The following PCDH9 variants were observed in gnomAD, a reference collection of about 807,000 sequenced individuals.
PCDH9 encodes protocadherin 9, also known as protocadherin-9.
A neutral mutation model predicts 70.6 loss-of-function variants in PCDH9; 24 were observed. The observed-to-expected ratio is 0.34, with a 90% confidence interval of 0.25 to 0.48. PCDH9 has a LOEUF of 0.48. Ranked by LOEUF, PCDH9 falls within the 20% of genes least tolerant of loss-of-function variation. The pLI is 0.99. For synonymous variants in PCDH9, 562 were observed against 558.5 expected (o/e 1.01, Z -0.09); for missense variants, 1,281 against 1,503.6 (o/e 0.85, Z 2.45).
chr13:66,538,252 C>A (rs1960789403), intron 4 of PCDH9, among the ~76,000 whole-genome samples: 1 of 152,226 alleles, frequency 6.6e-6, no homozygotes, highest in East Asian at 1.9e-4. Context: ...GCAATTAAGA[C>A]TGGGGAAACA....
chr13:66,595,076 T>G (rs566292415), intron 4 of PCDH9, among the ~76,000 whole-genome samples: 1 of 151,564 alleles, frequency 6.6e-6, no homozygotes, highest in African/African-American at 2.4e-5. Flanking sequence ...AACACACACA[T>G]TTTTTTGAAA....
intron 2 of PCDH9, among the ~76,000 whole-genome samples, chr13:67,009,672 T>C (rs564470329): frequency 9.9e-5 from 15 of 152,078 alleles, no homozygotes; most frequent in Non-Finnish European, 2.1e-4. Flanking sequence ...CCACCCATCG[T>C]TGACTCTCAA....
intron 3 of PCDH9, among the ~76,000 whole-genome samples, chr13:66,666,546 A>G (rs9592481): frequency 0.41 from 61,807 of 151,962 alleles, 13,277 homozygotes; most frequent in East Asian, 0.57. Context: ...GAAGTAAGTT[A>G]AAAGGTAGGT....
chr13:67,177,437 T>C (rs188144181), intron 2 of PCDH9, among the ~76,000 whole-genome samples: 1 of 152,228 alleles, frequency 6.6e-6, no homozygotes, highest in East Asian at 1.9e-4. Flanking sequence ...CCCAAGAGGC[T>C]CTTTACCAAA....
At chr13:66,587,166 CAA>C (rs1269507787) in intron 4 of PCDH9, among the ~76,000 whole-genome samples, 1 of 151,542 alleles carries the variant, frequency 6.6e-6, no homozygotes, top group Non-Finnish European at 1.5e-5. Flanking sequence ...GGCATGGTGG[CAA>C]AAAACTCTAG....
intron 4 of PCDH9, among the ~76,000 whole-genome samples, chr13:66,601,444 C>A (rs1458757018): frequency 6.9e-6 from 1 of 145,480 alleles, no homozygotes. Context: ...TTAATGGAGA[C>A]AATAAAAATA....
chr13:67,085,654 T>C (rs952324), intron 2 of PCDH9, among the ~76,000 whole-genome samples: 32,629 of 152,128 alleles, frequency 0.21, 3,739 homozygotes, highest in Admixed American at 0.28. Flanking sequence ...TTGAATGTGC[T>C]TATTTGGTCA....
chr13:66,958,870 T>C (rs1357755066), intron 2 of PCDH9, among the ~76,000 whole-genome samples: 3 of 152,224 alleles, frequency 2.0e-5, no homozygotes, highest in African/African-American at 7.2e-5. Flanking sequence ...CTATGTTTTA[T>C]ACTTAGACGT....
intron 4 of PCDH9, among the ~76,000 whole-genome samples, chr13:66,457,370 T>C (rs1958337548): frequency 1.3e-5 from 2 of 152,092 alleles, no homozygotes; most frequent in Admixed American, 6.6e-5. Context: ...CACCAATTGA[T>C]GAACCAAATA....
chr13:67,075,437 A>G (rs1048369053), intron 2 of PCDH9, among the ~76,000 whole-genome samples: 2 of 152,154 alleles, frequency 1.3e-5, no homozygotes, highest in Admixed American at 6.6e-5. Context: ...GTGGGGTACA[A>G]GAATGGAGAA....
intron 2 of PCDH9, among the ~76,000 whole-genome samples, chr13:66,936,830 G>A (rs1012697776): frequency 3.9e-5 from 6 of 152,148 alleles, no homozygotes; most frequent in African/African-American, 1.4e-4. Context: ...GTAAAATGGG[G>A]ATAATATTTA....
intron 3 of PCDH9, among the ~76,000 whole-genome samples, chr13:66,838,638 A>G (rs1366812914): frequency 2.6e-5 from 4 of 151,970 alleles, no homozygotes; most frequent in Non-Finnish European, 5.9e-5. Flanking sequence ...GTACATAAAA[A>G]CCCATGTGAA....
intron 4 of PCDH9, among the ~76,000 whole-genome samples, chr13:66,548,019 A>G (rs1161326108): frequency 6.7e-6 from 1 of 149,716 alleles, no homozygotes. Context: ...ATTTGTATGT[A>G]TGTATGTATG....
In PCDH9 at chr13:66,360,192, G is replaced by A. The variant is rs114988545; in HGVS notation, c.3341-55164C>T. The stretch of plus-strand genomic sequence containing the variant: ...TGCATATGTCCTTGTTTGATGCCTC[G>A]GATATTAGTGTGATCATTGAAAAGA... On this transcript the variant is annotated intron_variant, in intron 4 of 4. Coordinates refer to ENST00000377865, the MANE Select transcript of PCDH9 (RefSeq NM_203487.3). Among the ~76,000 whole-genome samples, 506 of 152,038 alleles carry A rather than the reference G, an allele frequency of 3.3e-3. 3 individuals carry two copies. Among genetic ancestry groups the A allele is most frequent in the African/African-American group, 0.012 (485 of 41,490 alleles).
intron 4 of PCDH9, among the ~76,000 whole-genome samples, chr13:66,320,017 T>A (rs761377348): frequency 6.6e-6 from 1 of 152,050 alleles, no homozygotes; most frequent in Non-Finnish European, 1.5e-5. Flanking sequence ...AGATAATAAG[T>A]CAAAATAGAA....
At chr13:66,998,759 A>G (rs555754476) in intron 2 of PCDH9, among the ~76,000 whole-genome samples, 2 of 152,260 alleles carry the variant, frequency 1.3e-5, no homozygotes, top group South Asian at 4.1e-4. Flanking sequence ...TCAGTTTCTC[A>G]TCAATCTTCC....
chr13:66,719,451 C>A (rs996130398), intron 3 of PCDH9, among the ~76,000 whole-genome samples: 1 of 152,042 alleles, frequency 6.6e-6, no homozygotes, highest in African/African-American at 2.4e-5. Context: ...GCTCCCTGGG[C>A]CCTCCACCAT....
chr13:66,953,874 C>T (rs1287995486), intron 2 of PCDH9, among the ~76,000 whole-genome samples: 9 of 152,164 alleles, frequency 5.9e-5, no homozygotes, highest in African/African-American at 1.9e-4. Flanking sequence ...ACTCTCTTTC[C>T]TGCAGAGATA....
chr13:66,347,638 T>C (rs1450560542), intron 4 of PCDH9, among the ~76,000 whole-genome samples: 2 of 152,196 alleles, frequency 1.3e-5, no homozygotes, highest in Non-Finnish European at 2.9e-5. Flanking sequence ...TCCTAGTCCC[T>C]GGTTCATTAA....
Sources: gnomAD v4.1 joint callset for allele counts (sites outside exome capture counted in the v4.1 genomes callset) on GRCh38, gnomAD v4.1.1 for gene constraint, MANE v1.5 for transcripts, NCBI Gene and HGNC (gene_info 2026-07-23, HGNC 2026-07-21) for gene names.